Variants in CACNA1E observed in about 807,000 individuals in gnomAD.
The protein encoded by CACNA1E is voltage-dependent R-type calcium channel subunit alpha-1E.
CACNA1E carries 40 observed loss-of-function variants against 259.2 expected under a neutral mutation model. That is an observed-to-expected ratio of 0.15 (90% confidence interval 0.12 to 0.20). CACNA1E has a LOEUF of 0.20. Ranked by LOEUF, CACNA1E falls within the 10% of genes least tolerant of loss-of-function variation. The pLI is 1.00. For missense variants in CACNA1E, 1,874 were observed against 3,040.1 expected, an observed-to-expected ratio of 0.62 and a Z score of 9.02; for synonymous variants, 1,104 against 1,138.5, an observed-to-expected ratio of 0.97 and a Z score of 0.61.
chr1:181,580,051 T>C lies in CACNA1E; in HGVS notation c.770-544T>C, dbSNP rs141375392. ...GGGAGGCAGGCTGAAGAATTCCAAA[T>C]AAGTACCATGCTTTTTATGAAAAGA... On this transcript the variant is annotated intron_variant, in intron 5 of 47. Transcript: ENST00000367573. Among the ~76,000 whole-genome samples the C allele has an allele frequency of 1.4e-3, 217 of 152,338 alleles. 1 individual carries two copies. The highest frequency in any genetic ancestry group is 5.0e-3 in the African/African-American group (206 of 41,572).
rs752902821 is a variant in CACNA1E, at chr1:181,771,245, C to G, written c.4882-48C>G. 2.8e-6 allele frequency: 3 copies of G among 1,084,262 alleles called. No individual in the cohort carries two copies. The South Asian group carries it at 4.1e-5, about 15-fold the overall frequency. 67.2% of individuals were successfully genotyped at this position (1,084,262 alleles called of 1,614,324 possible). A position where few individuals can be genotyped will look rare whatever the true frequency, so the allele number is the denominator to read the frequency against. The stretch of plus-strand genomic sequence containing the variant: ...GCCAACCCTCATGTGCTGGACACAT[C>G]ACACAGCTTGGTAATGCTCACTGTT... On this transcript the variant is annotated intron_variant, in intron 35 of 47. Coordinates refer to ENST00000367573, the MANE Select transcript of CACNA1E (RefSeq NM_001205293.3).
intron 1 of CACNA1E, among the ~76,000 whole-genome samples, chr1:181,399,140 T>G (rs576371798): frequency 6.6e-6 from 1 of 152,112 alleles, no homozygotes; most frequent in Non-Finnish European, 1.5e-5. Flanking sequence ...TAGGAGTTGA[T>G]TCTTCCCAAA....
In CACNA1E at chr1:181,732,555, C is replaced by T. The variant is rs768575175; in HGVS notation, c.2469C>T (p.His823=). ...GCTCCCTCAACCCGCTCAATGCCCACCCCAGCCTTTATCGGCGACCCAGGG... is the reference window on the plus strand; with the variant it reads ...GCTCCCTCAACCCGCTCAATGCCCATCCCAGCCTTTATCGGCGACCCAGGG... The part of the protein sequence containing the change: ...PLSSLNPLNA[H]PSLYRRPRAI... Residue 823 remains histidine (H), a synonymous_variant, in exon 20 of 48, where the codon CAC becomes CAT. Coordinates refer to ENST00000367573, the MANE Select transcript of CACNA1E (RefSeq NM_001205293.3). This position sits in a 1 kb window ranked among gnomAD's most constrained non-coding sequence, Gnocchi z 5.5. The T allele has an allele frequency of 7.1e-6, 11 of 1,545,198 alleles. No homozygotes were observed. Among genetic ancestry groups the T allele is most frequent in the South Asian group, 1.2e-5 (1 of 83,154 alleles).
At chr1:181,478,649 G>C (rs1663024328), upstream of CACNA1E, among the ~76,000 whole-genome samples, 3 of 152,330 alleles carry the variant, frequency 2.0e-5, no homozygotes, top group South Asian at 6.2e-4. Context: ...CAGGGTGGGG[G>C]AAGATGAAGG....
chr1:181,672,103 A>AG (rs1425112051), intron 7 of CACNA1E, among the ~76,000 whole-genome samples: 1 of 152,230 alleles, frequency 6.6e-6, no homozygotes, highest in Non-Finnish European at 1.5e-5. Flanking sequence ...ATGAAGCTGG[A>AG]GGCCGTTATC....
At chr1:181,348,719 A>G (rs1652806696) in intron 1 of CACNA1E, among the ~76,000 whole-genome samples, 1 of 152,158 alleles carries the variant, frequency 6.6e-6, no homozygotes, top group South Asian at 2.1e-4. Flanking sequence ...TTCTCCTCTT[A>G]AATGCTCCAG....
intron 6 of CACNA1E, among the ~76,000 whole-genome samples, chr1:181,632,855 A>G (rs1464923252): frequency 6.6e-6 from 1 of 152,228 alleles, no homozygotes; most frequent in Non-Finnish European, 1.5e-5. Context: ...AAGACATTCA[A>G]GACACAATCC....
chr1:181,552,442 T>G (rs192650483), intron 3 of CACNA1E, among the ~76,000 whole-genome samples: 1 of 140,932 alleles, frequency 7.1e-6, no homozygotes, highest in Admixed American at 6.8e-5. Context: ...TATTCATAGC[T>G]TTTTTTTTCT....
chr1:181,395,642 C>G (rs944032331), intron 1 of CACNA1E, among the ~76,000 whole-genome samples: 2 of 152,154 alleles, frequency 1.3e-5, no homozygotes, highest in Non-Finnish European at 2.9e-5. Context: ...TACCAAGAAC[C>G]TCCTCCTGGG....
At chr1:181,682,887 C>G (rs1379663507) in intron 7 of CACNA1E, among the ~76,000 whole-genome samples, 3 of 152,264 alleles carry the variant, frequency 2.0e-5, no homozygotes, top group African/African-American at 4.8e-5. Context: ...TCACCTTCCA[C>G]CAGGCCCCAC....
At chr1:181,505,225 G>C (rs1214386909) in intron 1 of CACNA1E, among the ~76,000 whole-genome samples, 1 of 152,090 alleles carries the variant, frequency 6.6e-6, no homozygotes, top group Admixed American at 6.6e-5. Context: ...TGATTTTGTA[G>C]TGATAAATGA....
At chr1:181,458,932 G>A (rs139277161) in intron 2 of CACNA1E, among the ~76,000 whole-genome samples, 74 of 152,184 alleles carry the variant, frequency 4.9e-4, no homozygotes, top group Non-Finnish European at 7.4e-4. Context: ...TATATATTAT[G>A]TACTGTTCCA....
At chr1:181,518,413 A>G (rs1432221764) in intron 3 of CACNA1E, among the ~76,000 whole-genome samples, 1 of 152,190 alleles carries the variant, frequency 6.6e-6, no homozygotes, top group Non-Finnish European at 1.5e-5. Context: ...CACTTGCAGC[A>G]TCTCCTTTTA....
intron 19 of CACNA1E, 60 bp downstream of exon 19, chr1:181,731,291 T>A (rs1655452333): frequency 5.3e-6 from 7 of 1,325,640 alleles, no homozygotes; most frequent in African/African-American, 1.4e-5. Context: ...GGACAATGTG[T>A]CATTGTCCTT....
intron 10 of CACNA1E, 32 bp from the exon 11 acceptor site, chr1:181,717,061 C>G: frequency 6.3e-7 from 1 of 1,577,244 alleles, no homozygotes; most frequent in Non-Finnish European, 8.7e-7. Flanking sequence ...GGATATTTTG[C>G]AGTCTCATTC....
At chr1:181,482,613 G>C (rs1558038822), upstream of CACNA1E, among the ~76,000 whole-genome samples, 1 of 151,770 alleles carries the variant, frequency 6.6e-6, no homozygotes. Flanking sequence ...TGCGCGCCTC[G>C]CTGCGCCTCT....
intron 1 of CACNA1E, among the ~76,000 whole-genome samples, chr1:181,375,622 G>A (rs1655052827): frequency 6.6e-6 from 1 of 152,160 alleles, no homozygotes; most frequent in Non-Finnish European, 1.5e-5. Flanking sequence ...TGTGAAGCAG[G>A]TAGTACTATT....
Position 181,732,528 on chromosome 1 carries a change from C to T in CACNA1E, c.2442C>T (p.Leu814=). 1 of 1,551,460 alleles carries T rather than the reference C, an allele frequency of 6.4e-7. No homozygotes were observed. The change falls in exon 20 of 48, where the codon CTC becomes CTT. Residue 814 remains leucine, a synonymous_variant. Transcript: ENST00000367573. The surrounding 1 kb of genome is among the most constrained non-coding windows in gnomAD (Gnocchi z 5.5). ...TMNPLNPLNP[L]SSLNPLNAHP... ...ACCCGCTCAACCCCCTCAACCCGCT[C>T]AGCTCCCTCAACCCGCTCAATGCCC... is the stretch of plus-strand genomic sequence containing the variant.
At chr1:181,356,623 G>C (rs1653460096) in intron 1 of CACNA1E, among the ~76,000 whole-genome samples, 1 of 152,176 alleles carries the variant, frequency 6.6e-6, no homozygotes, top group Non-Finnish European at 1.5e-5. Flanking sequence ...AAGAGAGCCA[G>C]GTCTGCTCTG....
Sources: allele counts gnomAD v4.1 joint callset (sites outside exome capture counted in the v4.1 genomes callset), GRCh38; gene constraint gnomAD v4.1.1; non-coding constraint Gnocchi (gnomAD v3.1); transcripts MANE v1.5; gene names NCBI Gene and HGNC (gene_info 2026-07-23, HGNC 2026-07-21).